The following ANK3 variants were observed in gnomAD, a reference collection of about 807,000 sequenced individuals.
ANK3 encodes the protein ankyrin 3, also known as ankyrin-3.
A neutral mutation model predicts 370.9 loss-of-function variants in ANK3; 57 were observed. That is an observed-to-expected ratio of 0.15 (90% CI 0.12 to 0.19). The LOEUF is 0.19. Ranked by LOEUF, ANK3 falls within the 10% of genes least tolerant of loss-of-function variation. The probability of loss-of-function intolerance (pLI) is 1.00; values close to 1 mark genes in which losing one functional copy is unlikely to be tolerated. For missense variants in ANK3, 4,439 were observed against 5,302.1 expected (o/e 0.84, Z 5.06); for synonymous variants, 1,929 against 1,946.3 (o/e 0.99, Z 0.23).
intron 8 of ANK3, among the ~76,000 whole-genome samples, chr10:60,229,200 TA>T (rs1214349034): frequency 6.6e-6 from 1 of 152,134 alleles, no homozygotes; most frequent in Non-Finnish European, 1.5e-5. Flanking sequence ...TTTTTTGACA[TA>T]AAAATGAAAA....
At chr10:60,233,269 G>A (rs1296409134) in intron 8 of ANK3, among the ~76,000 whole-genome samples, 1 of 152,100 alleles carries the variant, frequency 6.6e-6, no homozygotes, top group Non-Finnish European at 1.5e-5. Context: ...AGGACAATCA[G>A]TAAAGTTAAA....
At chr10:60,242,994 T>C (rs912797483) in intron 7 of ANK3, among the ~76,000 whole-genome samples, 5 of 152,200 alleles carry the variant, frequency 3.3e-5, no homozygotes, top group Admixed American at 2.0e-4. Flanking sequence ...CCGTACTTAC[T>C]TTGTAGTGTA....
intron 1 of ANK3, among the ~76,000 whole-genome samples, chr10:60,329,362 A>G (rs2050658941): frequency 6.6e-6 from 1 of 152,234 alleles, no homozygotes; most frequent in African/African-American, 2.4e-5. Flanking sequence ...TGCAGATGAC[A>G]TGATTATATA....
At chr10:60,358,109 CACACACACACAA>C (rs750072835) in intron 1 of ANK3, among the ~76,000 whole-genome samples, 4,309 of 40,888 alleles carry the variant, frequency 0.11, 95 homozygotes, top group African/African-American at 0.16. Flanking sequence ...TACACACACA[CACACACACACAA>C]ACACACACAC....
At chr10:60,269,062 C>T (rs2097921411) in intron 5 of ANK3, among the ~76,000 whole-genome samples, 1 of 152,162 alleles carries the variant, frequency 6.6e-6, no homozygotes, top group African/African-American at 2.4e-5. Flanking sequence ...CATCAGCATG[C>T]AAGCAAGAGT....
At chr10:60,196,812 A>C (rs2096594371) in intron 14 of ANK3, among the ~76,000 whole-genome samples, 187 bp from the exon 15 acceptor site, 1 of 152,190 alleles carries the variant, frequency 6.6e-6, no homozygotes, top group African/African-American at 2.4e-5. Context: ...ACTCACAGAT[A>C]AGAGTTCAAG....
intron 28 of ANK3, among the ~76,000 whole-genome samples, chr10:60,098,796 T>C (rs772016895): frequency 1.3e-5 from 2 of 152,218 alleles, no homozygotes; most frequent in Non-Finnish European, 2.9e-5. Context: ...CTGGTTTATA[T>C]ATATTTGGGT....
At chr10:60,491,755 G>A (rs1409451886) in intron 2 of ANK3, among the ~76,000 whole-genome samples, 1 of 152,222 alleles carries the variant, frequency 6.6e-6, no homozygotes, top group African/African-American at 2.4e-5. Flanking sequence ...ACTGATCTAG[G>A]AGCCAGACTG....
At chr10:60,579,326 TAAAAAAAAA>T in intron 2 of ANK3, among the ~76,000 whole-genome samples, 1 of 69,034 alleles carries the variant, frequency 1.4e-5, no homozygotes, top group African/African-American at 6.0e-5. Context: ...TCTCTCTCAA[TAAAAAAAAA>T]AAAAAAAAAA....
At chr10:60,139,185 T>A in intron 23 of ANK3, 98 bp from the exon 24 acceptor site, 1 of 1,421,240 alleles carries the variant, frequency 7.0e-7, no homozygotes, top group Non-Finnish European at 9.6e-7. Flanking sequence ...AATCCCCCAA[T>A]ATCTCATATT....
At position 60,071,367 on chromosome 10, in the gene ANK3, G is replaced by C. The variant is rs763695793; in HGVS notation, c.9514C>G (p.Pro3172Ala). 2 of 1,613,954 alleles carry C rather than the reference G, an allele frequency of 1.2e-6. No homozygotes were observed. The highest frequency in any genetic ancestry group is 3.3e-5 in the Admixed American group (2 of 59,980). ...TCATAACTCACTTCCTCTGAACTGG[G>C]TGTTTCTGGGGTTAAAGGGCTTTTC... ...SGKSPLTPETPSSEEVSYEFT... is the reference protein window; with the variant it reads ...SGKSPLTPETASSEEVSYEFT... The change falls in exon 37 of 44, where the codon CCC (proline) becomes GCC (alanine). Residue 3172 changes from proline (P) to alanine (A), a missense_variant. By Grantham distance (27) the Pro-to-Ala change is conservative (BLOSUM62 -1). Coordinates refer to ENST00000280772, the MANE Select transcript of ANK3 (RefSeq NM_020987.5).
chr10:60,102,111 G>T (rs568445355), intron 28 of ANK3, among the ~76,000 whole-genome samples: 6 of 150,732 alleles, frequency 4.0e-5, no homozygotes, highest in Admixed American at 3.3e-4. Flanking sequence ...TAGTGTCTTT[G>T]TACGATTTGG....
chr10:60,194,445 CCT>C (rs1228990103), intron 16 of ANK3, among the ~76,000 whole-genome samples: 2 of 152,182 alleles, frequency 1.3e-5, no homozygotes, highest in Admixed American at 6.5e-5. Flanking sequence ...CATCCACCAT[CCT>C]CTGTCTGTCT....
chr10:60,430,471 G>T (rs187857347), intron 2 of ANK3, among the ~76,000 whole-genome samples: 6 of 83,394 alleles, frequency 7.2e-5, no homozygotes, highest in Admixed American at 2.6e-4. Flanking sequence ...CTCAGAATCT[G>T]CTCTGGTGAA....
exon 1 of ANK3, chr10:60,733,452 G>T: frequency 1.3e-6 from 1 of 780,608 alleles, no homozygotes; most frequent in Non-Finnish European, 1.7e-6. Context: ...GCGCGGCCCC[G>T]CGACGCCCGC....
intron 2 of ANK3, among the ~76,000 whole-genome samples, chr10:60,469,081 A>ATATATACCACTTTTAG (rs2065097447): frequency 7.5e-5 from 6 of 80,398 alleles, no homozygotes; most frequent in Non-Finnish European, 9.6e-5. Context: ...ATATATATAT[A>ATATATACCACTTTTAG]TATATATATA....
chr10:60,325,502 T>C (rs2049628808), intron 1 of ANK3, among the ~76,000 whole-genome samples: 1 of 152,230 alleles, frequency 6.6e-6, no homozygotes, highest in African/African-American at 2.4e-5. Flanking sequence ...AATTGTAAGA[T>C]GGTTTGGATC....
chr10:60,237,140 G>A (rs1247138365), intron 7 of ANK3, among the ~76,000 whole-genome samples: 2 of 152,188 alleles, frequency 1.3e-5, no homozygotes, highest in African/African-American at 4.8e-5. Flanking sequence ...GGTCTTTTTT[G>A]GTGTGGAGGA....
intron 1 of ANK3, among the ~76,000 whole-genome samples, chr10:60,283,481 C>T (rs2098196698): frequency 6.6e-6 from 1 of 152,120 alleles, no homozygotes; most frequent in African/African-American, 2.4e-5. Context: ...GTCACACAGA[C>T]AAAGCCACTG....
Sources: gnomAD v4.1 joint callset for allele counts (sites outside exome capture counted in the v4.1 genomes callset) on GRCh38, gnomAD v4.1.1 for gene constraint, MANE v1.5 for transcripts, NCBI Gene and HGNC (gene_info 2026-07-23, HGNC 2026-07-21) for gene names.